NEDD9: variants seen among roughly 807,000 people sequenced by gnomAD.
NEDD9 encodes neural precursor cell expressed, developmentally down-regulated 9, also known as enhancer of filamentation 1.
NEDD9 carries 26 observed loss-of-function variants against 76.6 expected under a neutral mutation model. The observed-to-expected ratio is 0.34, with a 90% confidence interval of 0.25 to 0.47. NEDD9 has a LOEUF of 0.47. Ranked by LOEUF, NEDD9 falls within the 20% of genes least tolerant of loss-of-function variation. The pLI is 1.00. For missense variants in NEDD9, 937 were observed against 1,058.5 expected, an observed-to-expected ratio of 0.89 and a Z score of 1.59; for synonymous variants, 392 against 414.2, an observed-to-expected ratio of 0.95 and a Z score of 0.65.
chr6:11,239,131 C>T (rs9461573), intron 3 of NEDD9, among the ~76,000 whole-genome samples: 7,473 of 152,134 alleles, frequency 0.049, 659 homozygotes, highest in African/African-American at 0.17. Context: ...TGTGCCACTG[C>T]ACTGCAGCCT....
upstream of NEDD9, among the ~76,000 whole-genome samples, chr6:11,236,197 A>G (rs75121069): frequency 1.3e-5 from 2 of 152,286 alleles, no homozygotes; most frequent in East Asian, 1.9e-4. This position sits in a 1 kb window ranked among gnomAD's most constrained non-coding sequence, Gnocchi z 5.5. Context: ...TAGGATTCCC[A>G]TAGAGACCCT....
intron 6 of NEDD9, among the ~76,000 whole-genome samples, chr6:11,186,197 T>A (rs1167618715): frequency 6.6e-6 from 1 of 152,086 alleles, no homozygotes; most frequent in East Asian, 1.9e-4. Flanking sequence ...ACTCTTTCTG[T>A]CAAGATTGAT....
intron 3 of NEDD9, among the ~76,000 whole-genome samples, chr6:11,244,473 C>G (rs1241493990): frequency 6.6e-6 from 1 of 152,136 alleles, no homozygotes; most frequent in Non-Finnish European, 1.5e-5. Flanking sequence ...TTCCCACATC[C>G]AATCAGCTGC....
chr6:11,371,741 T>TC (rs1762879779), intron 1 of NEDD9, among the ~76,000 whole-genome samples: 1 of 152,222 alleles, frequency 6.6e-6, no homozygotes, highest in Non-Finnish European at 1.5e-5. Context: ...GTGCTACACA[T>TC]CCCTGTGTCC....
chr6:11,233,161 C>G, upstream of NEDD9: 1 of 504,714 alleles, frequency 2.0e-6, no homozygotes, highest in South Asian at 1.4e-5. Context: ...CTCTCTGTCC[C>G]TTTTTCTTTC....
chr6:11,251,484 T>C (rs1759913935), intron 3 of NEDD9: 1 of 152,206 alleles, frequency 6.6e-6, no homozygotes, highest in South Asian at 2.1e-4. Context: ...GTCATGGTTT[T>C]CTCTCTCCTC....
At chr6:11,279,695 C>T (rs1466968660) in intron 3 of NEDD9, among the ~76,000 whole-genome samples, 1 of 152,124 alleles carries the variant, frequency 6.6e-6, no homozygotes, top group Non-Finnish European at 1.5e-5. Context: ...TGGCTCAGGG[C>T]TCCCCCTTGC....
At chr6:11,234,728 T>C (rs889535192), upstream of NEDD9, among the ~76,000 whole-genome samples, 5 of 151,852 alleles carry the variant, frequency 3.3e-5, no homozygotes, top group Non-Finnish European at 7.4e-5. Context: ...TTTTTTTTTT[T>C]TTTTGAGACA....
chr6:11,201,604 A>G (rs1390174899), intron 2 of NEDD9, among the ~76,000 whole-genome samples: 1 of 152,130 alleles, frequency 6.6e-6, no homozygotes, highest in Non-Finnish European at 1.5e-5. Context: ...GGGTAACTTC[A>G]CTAGTTAGTC....
rs765469749 is a variant in NEDD9 at position 11,241,827 on chromosome 6, G to A, written c.13-28100C>T. On this transcript the variant is annotated intron_variant, in intron 3 of 3. Transcript: ENST00000397378. This position sits in a 1 kb window ranked among gnomAD's most constrained non-coding sequence, Gnocchi z 4.0. ...GGCCGGCCAATGTCCAGCAGGCCCC[G>A]GGCCCAGAGCCTCTGGCCTGTCCGG... Among the ~76,000 whole-genome samples, 3 of 152,148 alleles carry A rather than the reference G, an allele frequency of 2.0e-5. No individual in the cohort carries two copies. Among genetic ancestry groups the A allele is most frequent in the East Asian group, 1.9e-4 (1 of 5,180 alleles).
chr6:11,339,852 G>A (rs1416444056), intron 1 of NEDD9, among the ~76,000 whole-genome samples: 1 of 152,168 alleles, frequency 6.6e-6, no homozygotes, highest in African/African-American at 2.4e-5. Flanking sequence ...ACAAGACTGT[G>A]CTTGCATTTG....
intron 1 of NEDD9, among the ~76,000 whole-genome samples, chr6:11,344,291 A>T (rs537643027): frequency 1.3e-5 from 2 of 152,332 alleles, no homozygotes; most frequent in East Asian, 3.9e-4. Context: ...GAGTTAAAAA[A>T]ATTCACCTGG....
intron 2 of NEDD9, among the ~76,000 whole-genome samples, chr6:11,317,304 G>A (rs898543598): frequency 2.0e-5 from 3 of 151,910 alleles, no homozygotes; most frequent in Admixed American, 6.6e-5. Flanking sequence ...ATGGGGGTGC[G>A]GGCCTGTGAT....
At chr6:11,209,621 A>G (rs1200187116) in intron 2 of NEDD9, among the ~76,000 whole-genome samples, 2 of 152,190 alleles carry the variant, frequency 1.3e-5, no homozygotes, top group East Asian at 1.9e-4. Flanking sequence ...CTTTCTATGT[A>G]TGCTTCTGTT....
intron 2 of NEDD9, chr6:11,201,091 G>T: frequency 6.2e-7 from 1 of 1,611,490 alleles, no homozygotes; most frequent in Non-Finnish European, 8.5e-7. Flanking sequence ...TGCTCACATT[G>T]TGTCACTTGT....
chr6:11,299,644 A>T (rs1345989220), intron 3 of NEDD9, among the ~76,000 whole-genome samples: 1 of 152,210 alleles, frequency 6.6e-6, no homozygotes, highest in African/African-American at 2.4e-5. Context: ...CCCCCCTGGG[A>T]CGAAGCTTCC....
chr6:11,201,679 A>T (rs1437157021), intron 2 of NEDD9, among the ~76,000 whole-genome samples: 1 of 150,630 alleles, frequency 6.6e-6, no homozygotes, highest in Non-Finnish European at 1.5e-5. Flanking sequence ...CTATCTTTGT[A>T]TGCATCAAAA....
At chr6:11,305,636 G>A (rs924949413) in intron 3 of NEDD9, among the ~76,000 whole-genome samples, 2 of 152,306 alleles carry the variant, frequency 1.3e-5, no homozygotes, top group African/African-American at 2.4e-5. Context: ...CCAAGAACTG[G>A]CTATTTCCAA....
intron 1 of NEDD9, among the ~76,000 whole-genome samples, chr6:11,340,118 T>C (rs1299260978): frequency 6.6e-6 from 1 of 152,234 alleles, no homozygotes; most frequent in Non-Finnish European, 1.5e-5. Flanking sequence ...TGCCTCTCAA[T>C]AGTCTTCAAA....
Sources: gnomAD v4.1 joint callset for allele counts (sites outside exome capture counted in the v4.1 genomes callset) on GRCh38, gnomAD v4.1.1 for gene constraint, Gnocchi (gnomAD v3.1) non-coding constraint, MANE v1.5 for transcripts, NCBI Gene and HGNC (gene_info 2026-07-23, HGNC 2026-07-21) for gene names.